Variants in LRRCC1 observed in about 807,000 individuals in gnomAD.
LRRCC1 encodes leucine rich repeat and coiled-coil centrosomal protein 1.
LRRCC1 carries 115 observed loss-of-function variants against 126.0 expected under a neutral mutation model. The ratio of observed to expected loss-of-function variants is 0.91; its 90% CI spans 0.78 to 1.07. The LOEUF is 1.07. LRRCC1 is among the 50% of genes least tolerant of loss of function. The probability of loss-of-function intolerance (pLI) is 0.00; values close to 1 mark genes in which losing one functional copy is unlikely to be tolerated. For missense variants in LRRCC1, 1,172 were observed against 1,175.7 expected, an observed-to-expected ratio of 1.00 and a Z score of 0.05; for synonymous variants, 400 against 393.4, an observed-to-expected ratio of 1.02 and a Z score of -0.20.
chr8:85,135,967 A>G lies in LRRCC1; in HGVS notation c.2329+4A>G. The G allele has an allele frequency of 6.4e-7, 1 of 1,554,352 alleles. No homozygotes were observed. The highest frequency in any genetic ancestry group is 8.7e-7 in the Non-Finnish European group (1 of 1,151,964). ...GGACATGAGCTGGCACAACAAGGTA[A>G]AATTCTCAGATTTTCAAAGGGAAAA... On this transcript the variant is annotated splice_donor_region_variant and intron_variant, in intron 14 of 18. Coordinates refer to ENST00000360375, the MANE Select transcript of LRRCC1 (RefSeq NM_033402.5).
chr8:85,129,831 G>A lies in LRRCC1; in HGVS notation c.1627-88G>A. On this transcript the variant is annotated intron_variant, in intron 10 of 18. Transcript: ENST00000360375. ...AAAATCAACTTAGTCACCGGACACT[G>A]TCATTTAAAAGGTACTTATGGAAAC... 2.9e-6 allele frequency: 3 copies of A among 1,019,238 alleles called. No homozygotes were observed. In the South Asian group the frequency reaches 6.8e-5, roughly 23 times the overall value. The allele number at this position is 1,019,238 out of a possible 1,614,324, so 63.1% of individuals were successfully genotyped here.
intron 18 of LRRCC1, 100 bp downstream of exon 18, chr8:85,141,617 C>A: frequency 1.1e-6 from 1 of 878,274 alleles, no homozygotes; most frequent in Non-Finnish European, 1.7e-6. Flanking sequence ...GCAACATGAT[C>A]TCATGACCAA....
intron 17 of LRRCC1, among the ~76,000 whole-genome samples, chr8:85,139,561 C>T (rs1203644259): frequency 5.3e-5 from 8 of 152,116 alleles, no homozygotes; most frequent in South Asian, 2.1e-4. Context: ...CCACCACGCC[C>T]GGCCGAGAGC....
intron 1 of LRRCC1, 195 bp downstream of exon 1, chr8:85,107,594 CT>C (rs1192721564): frequency 8.2e-6 from 4 of 486,446 alleles, no homozygotes; most frequent in Non-Finnish European, 1.5e-5. Flanking sequence ...CCGTGGATGC[CT>C]TCCCGCCCGT....
In LRRCC1 at chr8:85,109,813, T is replaced by A. The variant is rs759427533; in HGVS notation, c.310+13T>A. ...ACAAAAGTAGAAGGTTTGTAAGTGA[T>A]TTTCATTTAACACTTAGCGTAAGGA... On this transcript the variant is annotated intron_variant, in intron 2 of 18. Coordinates refer to ENST00000360375, the MANE Select transcript of LRRCC1 (RefSeq NM_033402.5). The A allele has an allele frequency of 2.1e-6, 3 of 1,426,676 alleles. No individual in the cohort carries two copies. In the African/African-American group the frequency reaches 4.2e-5, roughly 20 times the overall value. 88.4% of individuals were successfully genotyped at this position (1,426,676 alleles called of 1,614,324 possible). A position where few individuals can be genotyped will look rare whatever the true frequency, so the allele number is the denominator to read the frequency against.
At chr8:85,124,684 T>A (rs1017572509) in intron 7 of LRRCC1, 108 bp from the exon 8 acceptor site, 8 of 599,946 alleles carry the variant, frequency 1.3e-5, no homozygotes, top group African/African-American at 1.9e-5. Context: ...ATTTTATTAA[T>A]ATTCTTTTTA....
chr8:85,126,613 T>C, intron 8 of LRRCC1, 76 bp from the exon 9 acceptor site: 1 of 1,294,084 alleles, frequency 7.7e-7, no homozygotes, highest in Non-Finnish European at 1.1e-6. Flanking sequence ...ATTCCCCTGT[T>C]ATAAATGGGA....
intron 11 of LRRCC1, among the ~76,000 whole-genome samples, chr8:85,130,922 G>A (rs1810417112): frequency 6.6e-6 from 1 of 152,108 alleles, no homozygotes; most frequent in Non-Finnish European, 1.5e-5. Context: ...GTCACATTTG[G>A]CTGATGGGCT....
At chr8:85,122,313 G>A (rs977004076) in intron 6 of LRRCC1, among the ~76,000 whole-genome samples, 4 of 152,022 alleles carry the variant, frequency 2.6e-5, no homozygotes, top group Non-Finnish European at 4.4e-5. Flanking sequence ...CCTAATTTGG[G>A]AAATTTCTTC....
In LRRCC1 at chr8:85,126,837, G is replaced by T; in HGVS notation, c.1421G>T (p.Arg474Met). 6.2e-7 allele frequency: 1 copy of T among 1,601,168 alleles called. No individual in the cohort carries two copies. Residue 474 changes from arginine (R) to methionine (M), a missense_variant and splice_region_variant, in exon 9 of 19, where the codon AGG (arginine) becomes ATG (methionine). By Grantham distance (91) the Arg-to-Met change is moderately conservative. Coordinates refer to ENST00000360375, the MANE Select transcript of LRRCC1 (RefSeq NM_033402.5). ...IHSLALLTTD[R>M]LKEIIFRERN... ...AGTCTGGCTCTACTTACCACAGATA[G>T]GTAAAAAGAAATTAATAAACCTGAA...
intron 15 of LRRCC1, 53 bp from the exon 16 acceptor site, chr8:85,137,982 A>T (rs1296176573): frequency 1.1e-6 from 1 of 870,320 alleles, no homozygotes; most frequent in Non-Finnish European, 1.8e-6. Flanking sequence ...AATTAACCAG[A>T]ATATGAAGCA....
chr8:85,134,917 G>A lies in LRRCC1; in HGVS notation c.2039G>A (p.Arg680Gln), dbSNP rs780877835. The change falls in exon 13 of 19, where the codon CGA becomes CAA. Residue 680 changes from arginine (R) to glutamine (Q), a missense_variant. By Grantham distance (43) the Arg-to-Gln change is conservative. Transcript: ENST00000360375. ...KSKHALIWAQ[R>Q]KENESSSLIK... ...AAACATGCTCTTATTTGGGCTCAAC[G>A]AAAAGAAAATGAGTCTTCCTCTTTA... is the stretch of plus-strand genomic sequence containing the variant. The A allele has an allele frequency of 1.1e-5, 18 of 1,596,718 alleles. No homozygotes were observed. Among genetic ancestry groups the A allele is most frequent in the Middle Eastern group, 1.7e-4 (1 of 6,048 alleles).
At chr8:85,109,558 T>G in intron 1 of LRRCC1, 37 bp from the exon 2 acceptor site, 1 of 1,258,708 alleles carries the variant, frequency 7.9e-7, no homozygotes. Flanking sequence ...GTCATGCTTT[T>G]AAAATCTATT....
rs537140038 is a variant in LRRCC1 at position 85,107,349 on chromosome 8, C to T, written c.54C>T (p.Asp18=). ...CAGAGGCGGAAGTGGAAAACGAAGACGGCGACAGCAGCTGCGGGGATGTAT... is the reference window on the plus strand; with the variant it reads ...CAGAGGCGGAAGTGGAAAACGAAGATGGCGACAGCAGCTGCGGGGATGTAT... ...VAAEAEVENE[D]GDSSCGDVCF... Residue 18 remains aspartate, a synonymous_variant, in exon 1 of 19, where the codon GAC becomes GAT. Transcript: ENST00000360375. 1.9e-6 allele frequency: 3 copies of T among 1,613,782 alleles called. No homozygotes were observed. The highest frequency in any genetic ancestry group is 2.5e-6 in the Non-Finnish European group (3 of 1,179,788).
chr8:85,110,323 C>G (rs900536411), intron 3 of LRRCC1, 143 bp downstream of exon 3: 6 of 396,926 alleles, frequency 1.5e-5, no homozygotes, highest in Admixed American at 3.9e-5. Context: ...GTATTCCAGT[C>G]ATGATTCTAT....
intron 1 of LRRCC1, chr8:85,108,611 G>C (rs768238355): frequency 6.6e-6 from 1 of 152,302 alleles, no homozygotes; most frequent in Non-Finnish European, 1.5e-5. Flanking sequence ...ATAAGGTCTG[G>C]CACTAAATAA....
At chr8:85,111,890 T>C (rs1409658418) in intron 3 of LRRCC1, among the ~76,000 whole-genome samples, 1 of 151,134 alleles carries the variant, frequency 6.6e-6, no homozygotes, top group South Asian at 2.1e-4. Flanking sequence ...TTTTTTTTAA[T>C]TTGAGGTAAA....
intron 2 of LRRCC1, 145 bp downstream of exon 2, chr8:85,109,945 G>A (rs556565408): frequency 5.2e-4 from 325 of 622,848 alleles, no homozygotes; most frequent in Admixed American, 1.1e-3. Context: ...CCAAAAAAGT[G>A]TCAATTTTTT....
At chr8:85,111,918 A>G (rs1182399215) in intron 3 of LRRCC1, among the ~76,000 whole-genome samples, 1 of 150,008 alleles carries the variant, frequency 6.7e-6, no homozygotes, top group Non-Finnish European at 1.5e-5. Context: ...TCTGGGGTGC[A>G]GTGGTGTGAT....
Sources: allele counts gnomAD v4.1 joint callset (sites outside exome capture counted in the v4.1 genomes callset), GRCh38; gene constraint gnomAD v4.1.1; transcripts MANE v1.5; gene names NCBI Gene and HGNC (gene_info 2026-07-23, HGNC 2026-07-21).